Variants in CNOT10 observed in about 807,000 individuals in gnomAD.
CNOT10 encodes CCR4-NOT transcription complex, subunit 10.
A neutral mutation model predicts 94.6 loss-of-function variants in CNOT10; 30 were observed. That is an observed-to-expected ratio of 0.32 (90% confidence interval 0.24 to 0.43). CNOT10 has a LOEUF of 0.43. Among genes scored for constraint, CNOT10 ranks in the 20% least tolerant of loss-of-function variants. CNOT10 has a pLI of 1.00. For synonymous variants in CNOT10, 289 were observed against 301.6 expected (o/e 0.96, Z 0.43); for missense variants, 759 against 877.2 (o/e 0.87, Z 1.70).
chr3:32,726,585 A>G (rs1053790352), intron 9 of CNOT10, among the ~76,000 whole-genome samples: 6 of 151,582 alleles, frequency 4.0e-5, no homozygotes, highest in Non-Finnish European at 8.8e-5. Flanking sequence ...AGCCCCAGCT[A>G]CTTGGGAGAC....
chr3:32,724,869 CT>C (rs11294270), intron 8 of CNOT10, among the ~76,000 whole-genome samples: 43,459 of 152,150 alleles, frequency 0.29, 6,574 homozygotes, highest in African/African-American at 0.39. Context: ...TCACTCTGTT[CT>C]TTTCTATATA....
At chr3:32,705,916 C>G (rs1697598517) in intron 3 of CNOT10, among the ~76,000 whole-genome samples, 1 of 152,074 alleles carries the variant, frequency 6.6e-6, no homozygotes, top group Admixed American at 6.6e-5. Flanking sequence ...TAATAGCTAC[C>G]ATTTATTGAA....
chr3:32,727,945 A>AGC, intron 10 of CNOT10, 75 bp downstream of exon 10: 1 of 1,054,094 alleles, frequency 9.5e-7, no homozygotes, highest in Non-Finnish European at 1.4e-6. Flanking sequence ...AAAAAAAAAA[A>AGC]AAAACCTTGG....
intron 13 of CNOT10, among the ~76,000 whole-genome samples, chr3:32,741,849 G>C (rs1019982307): frequency 6.6e-6 from 1 of 150,850 alleles, no homozygotes; most frequent in African/African-American, 2.4e-5. Context: ...TCCCACCAGT[G>C]ATGTATGAGT....
At chr3:32,756,313 G>A (rs116240727) in intron 13 of CNOT10, among the ~76,000 whole-genome samples, 4,447 of 152,222 alleles carry the variant, frequency 0.029, 80 homozygotes, top group African/African-American at 0.053. Context: ...ATTTTTTATA[G>A]TCTTTTACCC....
intron 4 of CNOT10, among the ~76,000 whole-genome samples, chr3:32,712,834 A>G (rs866674643): frequency 4.6e-5 from 7 of 152,346 alleles, no homozygotes; most frequent in South Asian, 2.1e-4. Context: ...GTGAGATACC[A>G]TCTCAGAAAC....
At chr3:32,767,972 G>A (rs913599729) in intron 17 of CNOT10, among the ~76,000 whole-genome samples, 3 of 152,162 alleles carry the variant, frequency 2.0e-5, no homozygotes, top group Non-Finnish European at 2.9e-5. Flanking sequence ...TTTGGGGTCT[G>A]AAGGGGGTTT....
intron 4 of CNOT10, among the ~76,000 whole-genome samples, chr3:32,711,257 T>C (rs1697877528): frequency 6.6e-6 from 1 of 152,162 alleles, no homozygotes; most frequent in Non-Finnish European, 1.5e-5. Context: ...TGCTGATACT[T>C]AAATCCCTTA....
At chr3:32,691,098 C>T (rs1489387278) in intron 1 of CNOT10, among the ~76,000 whole-genome samples, 2 of 146,340 alleles carry the variant, frequency 1.4e-5, no homozygotes, top group East Asian at 2.0e-4. Context: ...CGAGTTCAAG[C>T]GATTCTCTTG....
intron 7 of CNOT10, 50 bp downstream of exon 7, chr3:32,717,287 G>C (rs1698166191): frequency 4.6e-6 from 5 of 1,085,640 alleles, no homozygotes; most frequent in Non-Finnish European, 7.0e-6. Flanking sequence ...TTCTTATTTA[G>C]ACTATGGGTA....
intron 18 of CNOT10, among the ~76,000 whole-genome samples, chr3:32,772,317 C>T (rs1443595105): frequency 6.6e-6 from 1 of 151,418 alleles, no homozygotes; most frequent in Non-Finnish European, 1.5e-5. Context: ...CCACTGCACT[C>T]CAGTCTGAAC....
intron 7 of CNOT10, among the ~76,000 whole-genome samples, chr3:32,719,368 C>T (rs767046139): frequency 1.3e-5 from 2 of 152,186 alleles, no homozygotes; most frequent in East Asian, 3.9e-4. Flanking sequence ...TGCAGTGATC[C>T]GAGATCATGC....
chr3:32,735,604 A>T (rs890788185), intron 12 of CNOT10, among the ~76,000 whole-genome samples: 1 of 147,864 alleles, frequency 6.8e-6, no homozygotes, highest in Non-Finnish European at 1.5e-5. Context: ...CTACTGGGAA[A>T]GCTGAGGCAA....
intron 17 of CNOT10, 180 bp from the exon 18 acceptor site, chr3:32,769,707 T>G: frequency 1.8e-6 from 1 of 560,932 alleles, no homozygotes. Flanking sequence ...TCTAGCTTAA[T>G]TGTTAGGTTT....
chr3:32,763,142 C>T (rs1700521312), intron 15 of CNOT10, among the ~76,000 whole-genome samples: 1 of 151,998 alleles, frequency 6.6e-6, no homozygotes, highest in Non-Finnish European at 1.5e-5. Flanking sequence ...TGGAGTGATT[C>T]TAAAATCCAT....
chr3:32,769,833 G>GT, intron 17 of CNOT10, 54 bp from the exon 18 acceptor site: 2 of 1,364,818 alleles, frequency 1.5e-6, no homozygotes, highest in Non-Finnish European at 2.1e-6. Context: ...TGTACTTGGA[G>GT]TGTGTATCTT....
chr3:32,764,963 A>G, intron 17 of CNOT10, 154 bp downstream of exon 17: 1 of 1,514,366 alleles, frequency 6.6e-7, no homozygotes. Context: ...CAAGGTAAAC[A>G]ACTAATCAGC....
intron 1 of CNOT10, among the ~76,000 whole-genome samples, chr3:32,698,550 A>G (rs1298621065): frequency 1.3e-5 from 2 of 152,212 alleles, no homozygotes; most frequent in Non-Finnish European, 2.9e-5. Context: ...ATATAAGTAC[A>G]AGAATTTTTA....
chr3:32,692,051 C>CA (rs747328876), intron 1 of CNOT10, among the ~76,000 whole-genome samples: 2,929 of 66,278 alleles, frequency 0.044, 66 homozygotes, highest in East Asian at 0.17. Context: ...ACCCTGTCAC[C>CA]AAAAAAAAAA....
Sources: gnomAD v4.1 joint callset for allele counts (sites outside exome capture counted in the v4.1 genomes callset) on GRCh38, gnomAD v4.1.1 for gene constraint, MANE v1.5 for transcripts, NCBI Gene and HGNC (gene_info 2026-07-23, HGNC 2026-07-21) for gene names.